The following CNBD1 variants were observed in gnomAD, a reference collection of about 807,000 sequenced individuals.
The protein encoded by CNBD1 is cyclic nucleotide-binding domain-containing protein 1.
Under a neutral mutation model 54.4 loss-of-function variants are expected in CNBD1, and 71 were observed. The ratio of observed to expected loss-of-function variants is 1.30; its 90% CI spans 1.08 to 1.59. The LOEUF (loss-of-function observed/expected upper bound fraction) is 1.59, where lower values mean the gene tolerates loss of function less well. CNBD1 is among the 40% of genes most tolerant of loss of function. The pLI is 0.00. For synonymous variants in CNBD1, 182 were observed against 170.7 expected (o/e 1.07, Z -0.51); for missense variants, 659 against 518.0 (o/e 1.27, Z -2.64).
intron 4 of CNBD1, among the ~76,000 whole-genome samples, chr8:87,203,297 A>G (rs183199713): frequency 6.6e-6 from 1 of 152,348 alleles, no homozygotes; most frequent in East Asian, 1.9e-4. Flanking sequence ...TCTGATGTAC[A>G]TACATACTAT....
intron 4 of CNBD1, among the ~76,000 whole-genome samples, chr8:86,957,057 C>T (rs996542459): frequency 7.2e-5 from 11 of 152,132 alleles, no homozygotes; most frequent in African/African-American, 2.7e-4. Flanking sequence ...TGAATTTCAC[C>T]AAAGGCTTTT....
At chr8:87,109,403 T>G (rs1218620660) in intron 4 of CNBD1, among the ~76,000 whole-genome samples, 5 of 152,192 alleles carry the variant, frequency 3.3e-5, no homozygotes, top group Admixed American at 2.6e-4. Flanking sequence ...TAATATATAT[T>G]TATTAATACC....
intron 3 of CNBD1, among the ~76,000 whole-genome samples, chr8:86,912,849 G>A (rs1809125542): frequency 6.6e-6 from 1 of 152,160 alleles, no homozygotes; most frequent in South Asian, 2.1e-4. Flanking sequence ...AGACATGGGT[G>A]TGGAAGACAG....
intron 4 of CNBD1, among the ~76,000 whole-genome samples, chr8:86,981,290 T>A (rs1276246377): frequency 2.0e-5 from 3 of 152,196 alleles, no homozygotes; most frequent in Admixed American, 2.0e-4. Flanking sequence ...TCACTATATT[T>A]TTCTTATGAA....
chr8:87,287,032 T>C (rs911344295), intron 8 of CNBD1, among the ~76,000 whole-genome samples: 1 of 152,160 alleles, frequency 6.6e-6, no homozygotes, highest in African/African-American at 2.4e-5. Context: ...ATTTTTTTCT[T>C]TTCCTTTTTC....
intron 5 of CNBD1, among the ~76,000 whole-genome samples, chr8:87,229,612 A>G (rs1814620628): frequency 6.6e-6 from 1 of 152,124 alleles, no homozygotes; most frequent in South Asian, 2.1e-4. Context: ...AAGCTTTTGT[A>G]AATTCAGTTT....
chr8:86,914,972 A>G (rs1424422162), intron 3 of CNBD1, among the ~76,000 whole-genome samples: 1 of 152,356 alleles, frequency 6.6e-6, no homozygotes, highest in South Asian at 2.1e-4. Flanking sequence ...GAGCCAATTT[A>G]TCAAGGCAGG....
At chr8:87,276,447 T>A (rs1808481928) in intron 6 of CNBD1, among the ~76,000 whole-genome samples, 1 of 151,880 alleles carries the variant, frequency 6.6e-6, no homozygotes, top group Non-Finnish European at 1.5e-5. Context: ...ATGGTCTGGT[T>A]GCTTGTTCTG....
At chr8:86,908,910 A>G (rs1809059277) in intron 3 of CNBD1, among the ~76,000 whole-genome samples, 2 of 151,660 alleles carry the variant, frequency 1.3e-5, no homozygotes, top group Non-Finnish European at 2.9e-5. Context: ...GGCACCCGCC[A>G]CTACGCCCAG....
At chr8:87,375,500 AC>A (rs1810908173) in intron 10 of CNBD1, among the ~76,000 whole-genome samples, 1 of 151,858 alleles carries the variant, frequency 6.6e-6, no homozygotes, top group Admixed American at 6.6e-5. Flanking sequence ...GAGAAAGTTT[AC>A]AATAACCATC....
At chr8:87,005,358 A>C (rs1371981530) in intron 4 of CNBD1, among the ~76,000 whole-genome samples, 1 of 151,924 alleles carries the variant, frequency 6.6e-6, no homozygotes, top group East Asian at 1.9e-4. Flanking sequence ...CAACAGAGCG[A>C]GACTCCGTCT....
intron 10 of CNBD1, among the ~76,000 whole-genome samples, chr8:87,378,361 T>A (rs1810995728): frequency 6.7e-6 from 1 of 149,138 alleles, no homozygotes. Context: ...CAGTTTCAGC[T>A]TTCTACATAT....
At chr8:87,330,277 T>C (rs1293249962) in intron 8 of CNBD1, among the ~76,000 whole-genome samples, 2 of 151,314 alleles carry the variant, frequency 1.3e-5, no homozygotes, top group Non-Finnish European at 3.0e-5. Flanking sequence ...ATCAGTTGTA[T>C]TAATCTTTTT....
intron 4 of CNBD1, among the ~76,000 whole-genome samples, chr8:87,110,045 T>C (rs1163244540): frequency 1.3e-5 from 2 of 152,152 alleles, no homozygotes; most frequent in Admixed American, 1.3e-4. Flanking sequence ...AGTCTGTGCA[T>C]ATTCTTATCT....
intron 10 of CNBD1, among the ~76,000 whole-genome samples, chr8:87,357,188 A>G (rs972609403): frequency 6.6e-6 from 1 of 152,182 alleles, no homozygotes; most frequent in Non-Finnish European, 1.5e-5. Flanking sequence ...TCTATAAGAG[A>G]AGTGCCAAAA....
chr8:87,262,175 C>CA (rs1225326333), intron 6 of CNBD1, among the ~76,000 whole-genome samples: 3 of 151,900 alleles, frequency 2.0e-5, no homozygotes, highest in East Asian at 1.9e-4. Flanking sequence ...CAAAACAAAA[C>CA]AAAAAACACA....
intron 8 of CNBD1, among the ~76,000 whole-genome samples, chr8:87,299,298 C>T (rs1808940120): frequency 6.6e-6 from 1 of 152,146 alleles, no homozygotes; most frequent in East Asian, 1.9e-4. Flanking sequence ...TTCTCCTGGC[C>T]ATGCTTCTCT....
intron 5 of CNBD1, among the ~76,000 whole-genome samples, chr8:87,234,148 C>T (rs1015913386): frequency 5.3e-5 from 8 of 152,106 alleles, no homozygotes; most frequent in African/African-American, 1.9e-4. Context: ...TTGCTCTTTC[C>T]ACCACATCTG....
intron 2 of CNBD1, among the ~76,000 whole-genome samples, chr8:87,406,287 G>T (rs957684569): frequency 1.3e-4 from 20 of 151,794 alleles, no homozygotes; most frequent in Admixed American, 3.3e-4. Context: ...GTAAGTATTG[G>T]TTGACAAAAT....
Sources: gnomAD v4.1 joint callset for allele counts (sites outside exome capture counted in the v4.1 genomes callset) on GRCh38, gnomAD v4.1.1 for gene constraint, MANE v1.5 for transcripts, NCBI Gene and HGNC (gene_info 2026-07-23, HGNC 2026-07-21) for gene names.